The following CTNND2 variants were observed in gnomAD, a reference collection of about 807,000 sequenced individuals.
The protein encoded by CTNND2 is catenin delta-2.
In CTNND2, 22 loss-of-function variants were observed where a neutral mutation model predicts 144.4. The observed-to-expected ratio is 0.15, with a 90% CI of 0.11 to 0.22. The LOEUF is 0.22. CTNND2 is among the 10% of genes least tolerant of loss of function. The probability of loss-of-function intolerance (pLI) is 1.00; values close to 1 mark genes in which losing one functional copy is unlikely to be tolerated. For synonymous variants in CTNND2, 751 were observed against 695.6 expected, an observed-to-expected ratio of 1.08 and a Z score of -1.25; for missense variants, 1,353 against 1,618.8, an observed-to-expected ratio of 0.84 and a Z score of 2.82.
At chr5:11,275,006 A>T (rs1186090573) in intron 9 of CTNND2, among the ~76,000 whole-genome samples, 6 of 152,158 alleles carry the variant, frequency 3.9e-5, no homozygotes, top group Non-Finnish European at 7.3e-5. Flanking sequence ...TAACATAATT[A>T]CGGGTATAGA....
chr5:11,795,389 C>T (rs977634142), intron 1 of CTNND2, among the ~76,000 whole-genome samples: 7 of 152,138 alleles, frequency 4.6e-5, no homozygotes, highest in African/African-American at 1.4e-4. Flanking sequence ...AAGGAGATTC[C>T]GTTTATCCTA....
At chr5:11,845,137 T>C (rs988550352) in intron 1 of CTNND2, among the ~76,000 whole-genome samples, 1 of 152,174 alleles carries the variant, frequency 6.6e-6, no homozygotes, top group Non-Finnish European at 1.5e-5. Flanking sequence ...CATCTACTTT[T>C]AGGAAGTGAA....
chr5:11,660,344 A>C (rs1783126676), intron 2 of CTNND2, among the ~76,000 whole-genome samples: 1 of 152,154 alleles, frequency 6.6e-6, no homozygotes, highest in African/African-American at 2.4e-5. Flanking sequence ...AAAAGTGTTG[A>C]GCTTGCCTGA....
rs189773930 is a variant in CTNND2 at position 11,007,489 on chromosome 5, C to T, written c.3084+10485G>A. On this transcript the variant is annotated intron_variant, in intron 18 of 21. Transcript: ENST00000304623. ...ACGGGCACGTGGTTATGACAGGACA[C>T]GTGGCAACAACAAGAAACATCTGAG... 4.6e-5 allele frequency among the ~76,000 whole-genome samples: 7 copies of T among 152,292 alleles called. No homozygotes were observed. In the East Asian group the frequency reaches 9.7e-4, roughly 21 times the overall value.
chr5:11,879,352 T>TATATATATATATATATATATATAC (rs1553988803), intron 1 of CTNND2, among the ~76,000 whole-genome samples: 2 of 137,204 alleles, frequency 1.5e-5, no homozygotes, highest in African/African-American at 2.7e-5. Context: ...TATATATATA[T>TATATATATATATATATATATATAC]ATATACATAT....
At chr5:11,337,057 C>T (rs574219511) in intron 9 of CTNND2, among the ~76,000 whole-genome samples, 15 of 152,276 alleles carry the variant, frequency 9.9e-5, no homozygotes, top group African/African-American at 3.1e-4. Flanking sequence ...TGTTCACAAT[C>T]TTGTTCAAGA....
intron 10 of CTNND2, among the ~76,000 whole-genome samples, chr5:11,221,968 A>T (rs983427313): frequency 2.0e-5 from 3 of 152,234 alleles, no homozygotes; most frequent in Non-Finnish European, 2.9e-5. Context: ...AAAAGCAACT[A>T]GTTCTTCAGG....
intron 1 of CTNND2, among the ~76,000 whole-genome samples, chr5:11,739,438 T>C (rs1787873501): frequency 6.6e-6 from 1 of 152,178 alleles, no homozygotes; most frequent in Non-Finnish European, 1.5e-5. Context: ...AAGGCAACCT[T>C]GCCTGCAAAC....
At chr5:11,664,755 C>T (rs1783461259) in intron 2 of CTNND2, among the ~76,000 whole-genome samples, 1 of 152,146 alleles carries the variant, frequency 6.6e-6, no homozygotes, top group Non-Finnish European at 1.5e-5. Context: ...ACTATTTCCT[C>T]CATGGATACT....
At position 11,141,640 on chromosome 5, in the gene CTNND2, T is replaced by C. The variant is rs576524026; in HGVS notation, c.2159+17936A>G. Among the ~76,000 whole-genome samples the C allele has an allele frequency of 1.2e-4, 19 of 152,162 alleles. No homozygotes were observed. In the South Asian group the frequency reaches 3.7e-3, roughly 30 times the overall value. On this transcript the variant is annotated intron_variant, in intron 12 of 21. Coordinates refer to ENST00000304623, the MANE Select transcript of CTNND2 (RefSeq NM_001332.4). Reference sequence around the variant, plus strand: ...AAGCTGGCAAAGGGAGAAAAAACTGTTTAGGGATAGGAGAAAACAGATGGA... The same window carrying C: ...AAGCTGGCAAAGGGAGAAAAAACTGCTTAGGGATAGGAGAAAACAGATGGA...
intron 1 of CTNND2, among the ~76,000 whole-genome samples, chr5:11,825,877 T>C (rs1433495858): frequency 6.6e-6 from 1 of 152,080 alleles, no homozygotes; most frequent in East Asian, 1.9e-4. Flanking sequence ...AGGAATTCTA[T>C]ACCTAGTGGA....
chr5:11,512,063 C>G (rs771217656), intron 3 of CTNND2, among the ~76,000 whole-genome samples: 4 of 152,140 alleles, frequency 2.6e-5, no homozygotes, highest in Non-Finnish European at 4.4e-5. Flanking sequence ...CAGAAGGATC[C>G]TGGATTGATC....
intron 3 of CTNND2, among the ~76,000 whole-genome samples, chr5:11,557,567 C>T (rs943059253): frequency 3.3e-5 from 5 of 152,080 alleles, no homozygotes; most frequent in Admixed American, 1.3e-4. Context: ...TCTCTAGCTT[C>T]GAATTGAATT....
chr5:11,005,327 T>A (rs964957184), intron 18 of CTNND2, among the ~76,000 whole-genome samples: 4 of 152,184 alleles, frequency 2.6e-5, no homozygotes, highest in African/African-American at 9.7e-5. Context: ...TGAGCAGGAC[T>A]TTGTGAGAAA....
At chr5:11,259,563 A>G (rs1744647341) in intron 9 of CTNND2, among the ~76,000 whole-genome samples, 1 of 152,210 alleles carries the variant, frequency 6.6e-6, no homozygotes, top group Non-Finnish European at 1.5e-5. Context: ...ACAGAGAATC[A>G]TGAGAGGTGA....
chr5:11,340,854 T>G (rs1388907601), intron 9 of CTNND2, among the ~76,000 whole-genome samples: 1 of 152,186 alleles, frequency 6.6e-6, no homozygotes. Flanking sequence ...TTATAAAAAG[T>G]CATGTGATAG....
chr5:11,820,715 G>C (rs1437668522), intron 1 of CTNND2, among the ~76,000 whole-genome samples: 1 of 152,184 alleles, frequency 6.6e-6, no homozygotes, highest in Non-Finnish European at 1.5e-5. Flanking sequence ...GAGGTCTCCT[G>C]TTAATGGGGA....
At chr5:11,318,109 A>T (rs1400237813) in intron 9 of CTNND2, among the ~76,000 whole-genome samples, 1 of 152,066 alleles carries the variant, frequency 6.6e-6, no homozygotes, top group Non-Finnish European at 1.5e-5. Flanking sequence ...CATTCTACTG[A>T]CTTTGGTAGA....
At chr5:11,728,857 C>T (rs1787169106) in intron 2 of CTNND2, among the ~76,000 whole-genome samples, 1 of 152,028 alleles carries the variant, frequency 6.6e-6, no homozygotes, top group Admixed American at 6.6e-5. Flanking sequence ...TTTAACTCCA[C>T]TGCTAACTAC....
Sources: gnomAD v4.1 joint callset for allele counts (sites outside exome capture counted in the v4.1 genomes callset) on GRCh38, gnomAD v4.1.1 for gene constraint, MANE v1.5 for transcripts, NCBI Gene and HGNC (gene_info 2026-07-23, HGNC 2026-07-21) for gene names.